Variants in ADCY3 observed in about 807,000 individuals in gnomAD.
ADCY3 encodes adenylate cyclase 3.
Under a neutral mutation model 119.4 loss-of-function variants are expected in ADCY3, and 70 were observed. The observed-to-expected ratio is 0.59, with a 90% CI of 0.48 to 0.72. The LOEUF (loss-of-function observed/expected upper bound fraction) is 0.72. Ranked by LOEUF, ADCY3 falls within the 30% of genes least tolerant of loss-of-function variation. ADCY3 has a pLI of 0.00. For missense variants in ADCY3, 1,238 were observed against 1,541.6 expected, an observed-to-expected ratio of 0.80 and a Z score of 3.30; for synonymous variants, 672 against 621.4, an observed-to-expected ratio of 1.08 and a Z score of -1.21.
rs536874499 is a variant in ADCY3 at position 24,873,369 on chromosome 2, A to G, written c.676-650T>C. Among the ~76,000 whole-genome samples the G allele has an allele frequency of 5.3e-5, 8 of 152,234 alleles. No homozygotes were observed. The South Asian group carries it at 1.7e-3, about 32-fold the overall frequency. On this transcript the variant is annotated intron_variant, in intron 2 of 21. Transcript: ENST00000679454. The stretch of plus-strand genomic sequence containing the variant: ...CAGCAGGTGAGGGGTGCCCAGTACC[A>G]ATACTCAGGTCTCAAGCTATTGTGG...
chr2:24,888,425 C>A (rs995464571), intron 2 of ADCY3, among the ~76,000 whole-genome samples: 1 of 152,224 alleles, frequency 6.6e-6, no homozygotes, highest in Non-Finnish European at 1.5e-5. Context: ...GAGCCACCTG[C>A]CGGTGCTGAA....
chr2:24,907,660 TA>T (rs1460243916), intron 2 of ADCY3, among the ~76,000 whole-genome samples: 1 of 151,950 alleles, frequency 6.6e-6, no homozygotes, highest in African/African-American at 2.4e-5. Flanking sequence ...CGACAGCAAG[TA>T]AATAAAATGC....
At position 24,842,817 on chromosome 2, in the gene ADCY3, C is replaced by G. The variant is rs966006156; in HGVS notation, c.826-433G>C. Among the ~76,000 whole-genome samples the G allele has an allele frequency of 6.6e-6, 1 of 152,238 alleles. No homozygotes were observed. Among genetic ancestry groups the G allele is most frequent in the African/African-American group, 2.4e-5 (1 of 41,464 alleles). The stretch of plus-strand genomic sequence containing the variant: ...CTTTGACCTGATCAAAGACTGACAG[C>G]AGACCAGGCACTACACGAGGCGCCA... On this transcript the variant is annotated intron_variant, in intron 3 of 21. Coordinates refer to ENST00000679454, the MANE Select transcript of ADCY3 (RefSeq NM_004036.5). The surrounding 1 kb of genome is among the most constrained non-coding windows in gnomAD (Gnocchi z 4.9).
At chr2:24,823,059 G>T in intron 18 of ADCY3, 150 bp downstream of exon 18, 1 of 1,038,098 alleles carries the variant, frequency 9.6e-7, no homozygotes. Flanking sequence ...CAGCCCAGCA[G>T]TTCCAGGTGG....
chr2:24,878,046 G>A lies in ADCY3; in HGVS notation c.676-5327C>T. ...GGTGACAGAGGTCCACAGCCCCTGG[G>A]GTCTCTATTTATAGATCTTTTTACA... is the stretch of plus-strand genomic sequence containing the variant. On this transcript the variant is annotated intron_variant, in intron 2 of 21. Transcript: ENST00000679454. This position sits in a 1 kb window ranked among gnomAD's most constrained non-coding sequence, Gnocchi z 4.0. The A allele has an allele frequency of 5.3e-6, 2 of 377,044 alleles. No homozygotes were observed. The highest frequency in any genetic ancestry group is 3.2e-5 in the Admixed American group (1 of 31,342). The allele number at this position is 377,044 out of a possible 1,614,324, so 23.4% of individuals were successfully genotyped here.
At chr2:24,829,907 A>G (rs1669229102) in intron 13 of ADCY3, among the ~76,000 whole-genome samples, 1 of 151,500 alleles carries the variant, frequency 6.6e-6, no homozygotes, top group South Asian at 2.1e-4. Flanking sequence ...CTGGGCTCCC[A>G]ACTCCTGTCC....
At position 24,918,284 on chromosome 2, in the gene ADCY3, G is replaced by A. The variant is rs751248361; in HGVS notation, c.675+29C>T. Reference sequence around the variant, plus strand: ...GTTGGTGAGAGCTGCAGGAGAGGACGCTGTGGGGGGACAGTGGGCAGGACT... The same window carrying A: ...GTTGGTGAGAGCTGCAGGAGAGGACACTGTGGGGGGACAGTGGGCAGGACT... On this transcript the variant is annotated intron_variant, in intron 2 of 21. Transcript: ENST00000679454. The surrounding 1 kb of genome is among the most constrained non-coding windows in gnomAD (Gnocchi z 5.4). 4.6e-6 allele frequency: 7 copies of A among 1,523,162 alleles called. No homozygotes were observed. The highest frequency in any genetic ancestry group is 1.4e-5 in the African/African-American group (1 of 71,996). 94.4% of individuals were successfully genotyped at this position (1,523,162 alleles called of 1,614,324 possible). A position where few individuals can be genotyped will look rare whatever the true frequency, so the allele number is the denominator to read the frequency against.
In ADCY3 at chr2:24,918,273, C is replaced by A; in HGVS notation, c.675+40G>T. Reference sequence around the variant, plus strand: ...ACAGGTCCCAAGTTGGTGAGAGCTGCAGGAGAGGACGCTGTGGGGGGACAG... The same window carrying A: ...ACAGGTCCCAAGTTGGTGAGAGCTGAAGGAGAGGACGCTGTGGGGGGACAG... On this transcript the variant is annotated intron_variant, in intron 2 of 21. Transcript: ENST00000679454. This position sits in a 1 kb window ranked among gnomAD's most constrained non-coding sequence, Gnocchi z 5.4. 2 of 1,517,088 alleles carry A rather than the reference C, an allele frequency of 1.3e-6. No individual in the cohort carries two copies. Among genetic ancestry groups the A allele is most frequent in the East Asian group, 2.3e-5 (1 of 44,030 alleles). 94.0% of individuals were successfully genotyped at this position (1,517,088 alleles called of 1,614,324 possible). A position where few individuals can be genotyped will look rare whatever the true frequency, so the allele number is the denominator to read the frequency against.
intron 9 of ADCY3, among the ~76,000 whole-genome samples, chr2:24,836,236 C>T (rs1353085788): frequency 6.6e-6 from 1 of 152,242 alleles, no homozygotes; most frequent in East Asian, 1.9e-4. Context: ...GGAAAAGTTA[C>T]TGAATGTTGG....
chr2:24,913,997 T>A (rs10203386), intron 2 of ADCY3, among the ~76,000 whole-genome samples: 70,290 of 149,982 alleles, frequency 0.47, 17,187 homozygotes, highest in African/African-American at 0.6. Context: ...CCTTCCCCAT[T>A]GTCCGCACTC....
chr2:24,848,778 GC>G (rs1296425373), intron 3 of ADCY3, among the ~76,000 whole-genome samples: 8 of 152,196 alleles, frequency 5.3e-5, no homozygotes, highest in African/African-American at 1.9e-4. Context: ...AAAAGACAGG[GC>G]TTAATGTTCC....
chr2:24,868,937 T>C (rs998609338), intron 3 of ADCY3, among the ~76,000 whole-genome samples: 6 of 151,926 alleles, frequency 3.9e-5, no homozygotes, highest in Admixed American at 3.9e-4. Flanking sequence ...GGCTGGAGAA[T>C]GGCGTGAACC....
At chr2:24,861,294 A>G (rs1673626497) in intron 3 of ADCY3, among the ~76,000 whole-genome samples, 1 of 151,914 alleles carries the variant, frequency 6.6e-6, no homozygotes, top group Admixed American at 6.5e-5. Flanking sequence ...ACCAAATAAA[A>G]AGTGAGACAT....
intron 2 of ADCY3, among the ~76,000 whole-genome samples, chr2:24,901,225 G>A (rs374775316): frequency 2.6e-5 from 4 of 152,168 alleles, no homozygotes; most frequent in Admixed American, 6.5e-5. Flanking sequence ...ATCAACTGAC[G>A]TTACACGTGC....
Position 24,834,415 on chromosome 2 carries a change from C to G in ADCY3, c.1967+70G>C, listed in dbSNP as rs968323575. The G allele has an allele frequency of 3.0e-5, 31 of 1,024,934 alleles. No individual in the cohort carries two copies. Among genetic ancestry groups the G allele is most frequent in the Non-Finnish European group, 4.0e-5 (28 of 706,076 alleles). 63.5% of individuals were successfully genotyped at this position (1,024,934 alleles called of 1,614,324 possible). ...CAATGTCAGGCTCCCGCTGAGACAC[C>G]TGCCCCCGCCCCCCGCCCGGCACCA... is the stretch of plus-strand genomic sequence containing the variant. On this transcript the variant is annotated intron_variant, in intron 11 of 21. Transcript: ENST00000679454. The surrounding 1 kb of genome is among the most constrained non-coding windows in gnomAD (Gnocchi z 4.2).
intron 2 of ADCY3, among the ~76,000 whole-genome samples, chr2:24,914,026 A>G (rs994427511): frequency 2.1e-5 from 3 of 145,038 alleles, no homozygotes; most frequent in African/African-American, 7.8e-5. Context: ...CTGGTCCTGC[A>G]GGTCCTGGTC....
chr2:24,892,941 A>C (rs1010838205), intron 2 of ADCY3, among the ~76,000 whole-genome samples: 2 of 151,768 alleles, frequency 1.3e-5, no homozygotes, highest in African/African-American at 4.8e-5. Context: ...TGGGATCACA[A>C]GTGTGAGCCA....
At chr2:24,840,373 C>T (rs1670855487) in intron 6 of ADCY3, among the ~76,000 whole-genome samples, 1 of 152,234 alleles carries the variant, frequency 6.6e-6, no homozygotes, top group Non-Finnish European at 1.5e-5. Context: ...CAAGGTGCTG[C>T]AGACACAGAG....
chr2:24,882,561 T>C (rs1035207884), intron 2 of ADCY3, among the ~76,000 whole-genome samples: 2 of 152,188 alleles, frequency 1.3e-5, no homozygotes, highest in African/African-American at 4.8e-5. Context: ...CATTATTTAG[T>C]CACCTTGGTC....
Sources: gnomAD v4.1 joint callset for allele counts (sites outside exome capture counted in the v4.1 genomes callset) on GRCh38, gnomAD v4.1.1 for gene constraint, Gnocchi (gnomAD v3.1) non-coding constraint, MANE v1.5 for transcripts, NCBI Gene and HGNC (gene_info 2026-07-23, HGNC 2026-07-21) for gene names.